DGLUCY: variants seen among roughly 807,000 people sequenced by gnomAD.
The protein encoded by DGLUCY is D-glutamate cyclase, also known as D-glutamate cyclase, mitochondrial.
In DGLUCY, 58 loss-of-function variants were observed where a neutral mutation model predicts 58.5. The ratio of observed to expected loss-of-function variants is 0.99; its 90% CI spans 0.80 to 1.23. DGLUCY has a LOEUF of 1.23. Among genes scored for constraint, DGLUCY ranks in the 50% most tolerant of loss-of-function variants. The pLI is 0.00. For missense variants in DGLUCY, 779 were observed against 784.7 expected, an observed-to-expected ratio of 0.99 and a Z score of 0.09; for synonymous variants, 325 against 314.1, an observed-to-expected ratio of 1.03 and a Z score of -0.37.
At chr14:91,174,370 A>T (rs961825469) in intron 6 of DGLUCY, among the ~76,000 whole-genome samples, 1 of 152,150 alleles carries the variant, frequency 6.6e-6, no homozygotes, top group Non-Finnish European at 1.5e-5. Flanking sequence ...CAGCGTTGCA[A>T]TCTCAGCTCA....
chr14:91,081,485 G>A (rs1199524823), intron 1 of DGLUCY, among the ~76,000 whole-genome samples: 1 of 152,190 alleles, frequency 6.6e-6, no homozygotes, highest in East Asian at 1.9e-4. Flanking sequence ...GTTTCCTACT[G>A]CTGTTGCAAA....
intron 11 of DGLUCY, among the ~76,000 whole-genome samples, chr14:91,202,083 A>AATAATAATAATAATAATAATAATAATG (rs1475750287): frequency 2.0e-5 from 3 of 149,398 alleles, no homozygotes; most frequent in Non-Finnish European, 3.0e-5. Flanking sequence ...TAATAATAAT[A>AATAATAATAATAATAATAATAATAATG]ATGTGATAAT....
upstream of DGLUCY, among the ~76,000 whole-genome samples, chr14:91,104,099 G>A (rs1193630618): frequency 8.2e-6 from 1 of 121,496 alleles, no homozygotes; most frequent in Non-Finnish European, 1.7e-5. Flanking sequence ...GTCTTGCTCT[G>A]TTGCCCAGGC....
intron 1 of DGLUCY, among the ~76,000 whole-genome samples, chr14:91,079,240 G>C (rs2044083869): frequency 6.6e-6 from 1 of 151,946 alleles, no homozygotes; most frequent in Non-Finnish European, 1.5e-5. Context: ...TAACACTTGG[G>C]AATCATTCTG....
chr14:91,137,489 G>A (rs929737357), intron 1 of DGLUCY, among the ~76,000 whole-genome samples: 11 of 151,688 alleles, frequency 7.3e-5, no homozygotes, highest in South Asian at 4.1e-4. Context: ...AGGTTCAAGC[G>A]ATTACCCTGC....
At chr14:91,111,228 GTGTGTGTGTGTGTGTGTGTGTATA>G (rs2044690992), upstream of DGLUCY, among the ~76,000 whole-genome samples, 9 of 148,008 alleles carry the variant, frequency 6.1e-5, no homozygotes. Context: ...GTGTGTGTGT[GTGTGTGTGTGTGTGTGTGTGTATA>G]TATCTATATA....
At chr14:91,181,932 A>G (rs901072343) in intron 8 of DGLUCY, among the ~76,000 whole-genome samples, 2 of 151,474 alleles carry the variant, frequency 1.3e-5, no homozygotes, top group African/African-American at 4.9e-5. Flanking sequence ...AGCGTGAGCC[A>G]CCATGCCCAG....
chr14:91,082,528 G>C (rs2044144552), intron 1 of DGLUCY, among the ~76,000 whole-genome samples: 1 of 152,152 alleles, frequency 6.6e-6, no homozygotes, highest in South Asian at 2.1e-4. Flanking sequence ...TTACAGAGGT[G>C]GTGATTCTTA....
At chr14:91,198,685 G>C (rs577013230) in intron 10 of DGLUCY, among the ~76,000 whole-genome samples, 94 of 152,280 alleles carry the variant, frequency 6.2e-4, no homozygotes, top group African/African-American at 2.2e-3. Context: ...CAGTAGTCCT[G>C]CTAGTAATCA....
chr14:91,186,911 G>A (rs1454148029), intron 8 of DGLUCY, among the ~76,000 whole-genome samples: 1 of 152,120 alleles, frequency 6.6e-6, no homozygotes, highest in Non-Finnish European at 1.5e-5. Context: ...ACACAGCTAC[G>A]ATATGCCAGC....
chr14:91,190,010 C>T (rs1322600815), intron 9 of DGLUCY, among the ~76,000 whole-genome samples: 7 of 104,880 alleles, frequency 6.7e-5, no homozygotes, highest in East Asian at 3.3e-4. Flanking sequence ...TTTTTTGAGA[C>T]GGAGTCTCGC....
At chr14:91,199,174 C>T (rs1315242885) in intron 10 of DGLUCY, among the ~76,000 whole-genome samples, 1 of 152,096 alleles carries the variant, frequency 6.6e-6, no homozygotes, top group East Asian at 1.9e-4. Flanking sequence ...CAGCAATGTT[C>T]CCATCCCCAT....
chr14:91,107,733 T>C (rs1314670413), upstream of DGLUCY, among the ~76,000 whole-genome samples: 1 of 151,474 alleles, frequency 6.6e-6, no homozygotes, highest in Non-Finnish European at 1.5e-5. Flanking sequence ...AGATGGAGAA[T>C]AGCTAGAGAG....
intron 1 of DGLUCY, chr14:91,148,830 TAGC>T: frequency 6.6e-6 from 1 of 152,306 alleles, no homozygotes; most frequent in Middle Eastern, 3.4e-3. Flanking sequence ...GTACCTGTAG[TAGC>T]AGCTACTGAG....
intron 8 of DGLUCY, among the ~76,000 whole-genome samples, chr14:91,184,515 C>T (rs2049364085): frequency 6.9e-6 from 1 of 145,336 alleles, no homozygotes; most frequent in African/African-American, 2.6e-5. Context: ...GATTGCAGCA[C>T]TGCACTCCAG....
chr14:91,223,656 C>CTTTTTTT, intron 13 of DGLUCY: 1 of 1,089,284 alleles, frequency 9.2e-7, no homozygotes, highest in Non-Finnish European at 1.2e-6. Flanking sequence ...GATCAAACCA[C>CTTTTTTT]TTTTTTTTTT....
At chr14:91,125,934 AAAAAC>A (rs529195858) in intron 1 of DGLUCY, among the ~76,000 whole-genome samples, 4 of 152,208 alleles carry the variant, frequency 2.6e-5, no homozygotes, top group Non-Finnish European at 5.9e-5. Flanking sequence ...ACAGTCTCTA[AAAAAC>A]AAAACAAAAC....
At chr14:91,075,362 C>T (rs191078611) in intron 1 of DGLUCY, among the ~76,000 whole-genome samples, 6 of 152,030 alleles carry the variant, frequency 3.9e-5, no homozygotes, top group Non-Finnish European at 7.4e-5. Context: ...AGGCTGGTCT[C>T]GAACCCCTGG....
rs1429309370 is a variant in DGLUCY, at chr14:91,136,235, A to G, written c.-81-21404A>G. ...GGCTTGAGCCACCGAGCCCGGCCAC[A>G]TTAGCATTTTTTATACTACAGGGGT... On this transcript the variant is annotated intron_variant, in intron 1 of 13. Coordinates refer to ENST00000256324, the MANE Select transcript of DGLUCY (RefSeq NM_001102368.3). 2.0e-5 allele frequency among the ~76,000 whole-genome samples: 3 copies of G among 151,380 alleles called. No individual in the cohort carries two copies. In the East Asian group the frequency reaches 5.9e-4, roughly 30 times the overall value.
Sources: gnomAD v4.1 joint callset for allele counts (sites outside exome capture counted in the v4.1 genomes callset) on GRCh38, gnomAD v4.1.1 for gene constraint, MANE v1.5 for transcripts, NCBI Gene and HGNC (gene_info 2026-07-23, HGNC 2026-07-21) for gene names.